PKNOX2: variants seen among roughly 807,000 people sequenced by gnomAD.
PKNOX2 encodes the protein homeobox protein PKNOX2.
PKNOX2 carries 14 observed loss-of-function variants against 53.1 expected under a neutral mutation model. The ratio of observed to expected loss-of-function variants is 0.26; its 90% CI spans 0.17 to 0.41. The LOEUF (loss-of-function observed/expected upper bound fraction) is 0.41. PKNOX2 is among the 10% of genes least tolerant of loss of function. The pLI, the probability that PKNOX2 is intolerant of heterozygous loss-of-function variation, is 1.00. For synonymous variants in PKNOX2, 257 were observed against 242.8 expected, an observed-to-expected ratio of 1.06 and a Z score of -0.54; for missense variants, 496 against 602.8, an observed-to-expected ratio of 0.82 and a Z score of 1.85.
chr11:125,170,889 A>G (rs1239690115), intron 1 of PKNOX2, among the ~76,000 whole-genome samples: 1 of 151,416 alleles, frequency 6.6e-6, no homozygotes, highest in Non-Finnish European at 1.5e-5. Flanking sequence ...GGGTGGGGTA[A>G]CTGTTAGTTT....
intron 2 of PKNOX2, among the ~76,000 whole-genome samples, chr11:125,268,792 C>A (rs949879755): frequency 8.5e-5 from 13 of 152,080 alleles, no homozygotes; most frequent in African/African-American, 2.9e-4. Context: ...CACTTTAAAC[C>A]CACAAGTTGG....
Position 125,165,244 on chromosome 11 carries a change from C to A in PKNOX2, c.-201+468C>A, listed in dbSNP as rs966812817. Among the ~76,000 whole-genome samples the A allele has an allele frequency of 2.8e-4, 43 of 151,882 alleles. No individual in the cohort carries two copies. Among genetic ancestry groups the A allele is most frequent in the African/African-American group, 9.2e-4 (38 of 41,406 alleles). ...GAGCCGGGCTGCGGACTCGAATCGC[C>A]GCGGGCCCAACCCCGTAGCGGGCGG... On this transcript the variant is annotated intron_variant, in intron 1 of 12. Coordinates refer to ENST00000298282, the MANE Select transcript of PKNOX2 (RefSeq NM_001382323.2). This position sits in a 1 kb window ranked among gnomAD's most constrained non-coding sequence, Gnocchi z 4.5.
intron 2 of PKNOX2, among the ~76,000 whole-genome samples, chr11:125,266,381 G>A (rs1342156420): frequency 6.6e-6 from 1 of 152,070 alleles, no homozygotes; most frequent in Admixed American, 6.5e-5. Flanking sequence ...TGACTTTTGG[G>A]GGCATTTAGC....
At chr11:125,276,615 T>C (rs1045174086) in intron 2 of PKNOX2, among the ~76,000 whole-genome samples, 7 of 152,174 alleles carry the variant, frequency 4.6e-5, no homozygotes, top group African/African-American at 1.4e-4. Context: ...TCTCATCTTA[T>C]AGAAATCTGT....
intron 2 of PKNOX2, among the ~76,000 whole-genome samples, chr11:125,325,942 T>A (rs1949795253): frequency 6.6e-6 from 1 of 152,208 alleles, no homozygotes; most frequent in Non-Finnish European, 1.5e-5. Context: ...AACTCTAATA[T>A]CTTTGGCAAT....
intron 1 of PKNOX2, among the ~76,000 whole-genome samples, chr11:125,212,403 T>G (rs1249436101): frequency 6.6e-6 from 1 of 151,666 alleles, no homozygotes; most frequent in Non-Finnish European, 1.5e-5. Flanking sequence ...TTGTATCTGA[T>G]GTGGCCCCGA....
chr11:125,289,274 A>C (rs111543193), intron 2 of PKNOX2, among the ~76,000 whole-genome samples: 1 of 152,190 alleles, frequency 6.6e-6, no homozygotes, highest in Non-Finnish European at 1.5e-5. Context: ...CTCATGACTG[A>C]CTGCATGCCA....
intron 7 of PKNOX2, among the ~76,000 whole-genome samples, chr11:125,401,783 G>GTGTGTGTA (rs1020392625): frequency 1.3e-5 from 2 of 151,946 alleles, no homozygotes; most frequent in African/African-American, 4.8e-5. Flanking sequence ...GTGTGTGTGT[G>GTGTGTGTA]TGTGTGTATG....
intron 5 of PKNOX2, among the ~76,000 whole-genome samples, chr11:125,373,887 G>T (rs556198854): frequency 6.6e-6 from 1 of 152,190 alleles, no homozygotes; most frequent in African/African-American, 2.4e-5. Flanking sequence ...GCAGTGTAGC[G>T]TGGGAGAGTT....
At chr11:125,326,961 A>G (rs1949851367) in intron 2 of PKNOX2, among the ~76,000 whole-genome samples, 1 of 152,186 alleles carries the variant, frequency 6.6e-6, no homozygotes, top group Non-Finnish European at 1.5e-5. Flanking sequence ...GTGTCCGTGT[A>G]GGCAAACCAC....
chr11:125,403,764 C>G (rs893527595), intron 7 of PKNOX2, among the ~76,000 whole-genome samples: 1 of 152,112 alleles, frequency 6.6e-6, no homozygotes, highest in South Asian at 2.1e-4. Flanking sequence ...GGGGTAGGGA[C>G]TACAGAGGAA....
At position 125,410,808 on chromosome 11, in the gene PKNOX2, G is replaced by T; in HGVS notation, c.748G>T (p.Val250Leu). The T allele has an allele frequency of 6.2e-7, 1 of 1,614,070 alleles. No homozygotes were observed. The highest frequency in any genetic ancestry group is 8.5e-7 in the Non-Finnish European group (1 of 1,179,990). ...AGCCTTATACCAACCGGTTACCATGGTAACCTCCCAGGGTCAGGTGGTCAC... is the reference window on the plus strand; with the variant it reads ...AGCCTTATACCAACCGGTTACCATGTTAACCTCCCAGGGTCAGGTGGTCAC... ...GGALYQPVTM[V>L]TSQGQVVTQA... is the part of the protein sequence containing the mutation. The change falls in exon 9 of 13, where the codon GTA becomes TTA. Residue 250 changes from valine (V) to leucine (L), a missense_variant. By Grantham distance (32) the Val-to-Leu change is conservative (BLOSUM62 1). Coordinates refer to ENST00000298282, the MANE Select transcript of PKNOX2 (RefSeq NM_001382323.2).
chr11:125,179,053 G>A (rs1039606204), intron 1 of PKNOX2, among the ~76,000 whole-genome samples: 15 of 152,132 alleles, frequency 9.9e-5, no homozygotes, highest in East Asian at 3.9e-4. Flanking sequence ...GGCCACACCC[G>A]TAGAACCAAC....
intron 6 of PKNOX2, among the ~76,000 whole-genome samples, chr11:125,391,914 A>C (rs768134492): frequency 1.3e-5 from 2 of 152,216 alleles, no homozygotes; most frequent in Non-Finnish European, 2.9e-5. Context: ...ATTTGGAATA[A>C]ATTTTCACAT....
Position 125,240,435 on chromosome 11 carries a change from C to T in PKNOX2, c.-130+5320C>T, listed in dbSNP as rs917035568. Among the ~76,000 whole-genome samples the T allele has an allele frequency of 6.6e-6, 1 of 151,994 alleles. No homozygotes were observed. The highest frequency in any genetic ancestry group is 1.5e-5 in the Non-Finnish European group (1 of 68,014). The stretch of plus-strand genomic sequence containing the variant: ...GGCTATTTGGAGTCTTCTCCATAAA[C>T]CTTTCTGGAGAGGAGCTGGGAAGGA... On this transcript the variant is annotated intron_variant, in intron 2 of 12. Transcript: ENST00000298282. The surrounding 1 kb of genome is among the most constrained non-coding windows in gnomAD (Gnocchi z 4.3).
chr11:125,314,530 G>A (rs1302034048), intron 2 of PKNOX2, among the ~76,000 whole-genome samples: 1 of 152,158 alleles, frequency 6.6e-6, no homozygotes, highest in Middle Eastern at 3.2e-3. Context: ...CTGCATGTCA[G>A]GGGCCAAATG....
chr11:125,196,084 G>C (rs1051757433), intron 1 of PKNOX2, among the ~76,000 whole-genome samples: 3 of 152,110 alleles, frequency 2.0e-5, no homozygotes, highest in Non-Finnish European at 4.4e-5. Flanking sequence ...TTAGGCATTG[G>C]GCATGGGGAT....
At chr11:125,256,530 T>C (rs1944410860) in intron 2 of PKNOX2, among the ~76,000 whole-genome samples, 1 of 152,106 alleles carries the variant, frequency 6.6e-6, no homozygotes, top group South Asian at 2.1e-4. Flanking sequence ...CCAGACTCCA[T>C]CCAGTGAGTT....
At chr11:125,345,229 A>G (rs1046211154) in intron 3 of PKNOX2, among the ~76,000 whole-genome samples, 3 of 152,120 alleles carry the variant, frequency 2.0e-5, no homozygotes, top group African/African-American at 7.2e-5. Flanking sequence ...CCTCTTCCCA[A>G]ATTCCTTAGT....
Sources: gnomAD v4.1 joint callset for allele counts (sites outside exome capture counted in the v4.1 genomes callset) on GRCh38, gnomAD v4.1.1 for gene constraint, Gnocchi (gnomAD v3.1) non-coding constraint, MANE v1.5 for transcripts, NCBI Gene and HGNC (gene_info 2026-07-23, HGNC 2026-07-21) for gene names.